The following ZBTB16 variants were observed in gnomAD, a reference collection of about 807,000 sequenced individuals.
ZBTB16 encodes zinc finger and BTB domain-containing protein 16.
In ZBTB16, 8 loss-of-function variants were observed where a neutral mutation model predicts 56.8. That is an observed-to-expected ratio of 0.14 (90% confidence interval 0.08 to 0.25). ZBTB16 has a LOEUF of 0.25. Ranked by LOEUF, ZBTB16 falls within the 10% of genes least tolerant of loss-of-function variation. ZBTB16 has a pLI of 1.00. For missense variants in ZBTB16, 625 were observed against 903.0 expected (o/e 0.69, Z 3.95); for synonymous variants, 363 against 368.5 (o/e 0.98, Z 0.17).
In ZBTB16 at chr11:114,060,074, G is replaced by A. The variant is rs1400537214; in HGVS notation, c.-91+192G>A. On this transcript the variant is annotated intron_variant, in intron 1 of 6. Transcript: ENST00000335953. The surrounding 1 kb of genome is among the most constrained non-coding windows in gnomAD (Gnocchi z 6.0). Reference sequence around the variant, plus strand: ...GCCACCGGTTGGGGGTCGGCTAGAAGGGGGAGCCCCGGCTGTCAGCCTGGG... The same window carrying A: ...GCCACCGGTTGGGGGTCGGCTAGAAAGGGGAGCCCCGGCTGTCAGCCTGGG... 6.6e-6 allele frequency among the ~76,000 whole-genome samples: 1 copy of A among 152,180 alleles called. No homozygotes were observed. Among genetic ancestry groups the A allele is most frequent in the Non-Finnish European group, 1.5e-5 (1 of 68,028 alleles).
chr11:114,130,562 TG>T (rs1301671226), intron 2 of ZBTB16, among the ~76,000 whole-genome samples: 2 of 152,230 alleles, frequency 1.3e-5, no homozygotes, highest in African/African-American at 4.8e-5. Flanking sequence ...GCTTTGTATA[TG>T]GGTTGGCTAT....
At chr11:114,247,159 G>A in intron 5 of ZBTB16, 39 bp from the exon 6 acceptor site, 1 of 1,614,138 alleles carries the variant, frequency 6.2e-7, no homozygotes, top group Non-Finnish European at 8.5e-7. Flanking sequence ...GAGGGGGCAG[G>A]GAGAGGCAAA....
intron 3 of ZBTB16, among the ~76,000 whole-genome samples, chr11:114,184,690 T>C (rs979824009): frequency 3.3e-5 from 5 of 152,218 alleles, no homozygotes; most frequent in Admixed American, 2.6e-4. Context: ...TGCTAGCATG[T>C]ACTATAAATG....
chr11:114,242,351 G>C lies in ZBTB16; in HGVS notation c.1624+14G>C. ...GCTCACATACAGGTAGGTCAGTCCA[G>C]CTGATGGGTGGATCTGGGTCTCTGG... On this transcript the variant is annotated intron_variant, in intron 5 of 6. Transcript: ENST00000335953. The C allele has an allele frequency of 6.2e-7, 1 of 1,612,434 alleles. No individual in the cohort carries two copies. The highest frequency in any genetic ancestry group is 8.5e-7 in the Non-Finnish European group (1 of 1,179,970).
intron 4 of ZBTB16, among the ~76,000 whole-genome samples, chr11:114,193,183 C>T (rs1026100700): frequency 7.2e-5 from 11 of 152,180 alleles, no homozygotes; most frequent in African/African-American, 2.7e-4. Context: ...CCGAGTGCCC[C>T]CTGCTGATGT....
intron 2 of ZBTB16, among the ~76,000 whole-genome samples, chr11:114,065,679 G>C (rs117234005): frequency 0.015 from 2,289 of 152,296 alleles, 48 homozygotes; most frequent in East Asian, 0.052. Context: ...GCCTCCCAAA[G>C]TGCTGGATTA....
intron 2 of ZBTB16, among the ~76,000 whole-genome samples, chr11:114,067,727 G>C (rs1939170685): frequency 6.6e-6 from 1 of 152,120 alleles, no homozygotes; most frequent in East Asian, 1.9e-4. Flanking sequence ...TTTTGACTGA[G>C]GGTGGAAAGT....
chr11:114,228,259 G>T (rs1338637134), intron 4 of ZBTB16, among the ~76,000 whole-genome samples: 1 of 152,222 alleles, frequency 6.6e-6, no homozygotes, highest in Non-Finnish European at 1.5e-5. Context: ...ACATCAGGCT[G>T]TAATTGAATA....
chr11:114,066,232 GA>G (rs1278258396), intron 2 of ZBTB16, among the ~76,000 whole-genome samples: 1 of 152,150 alleles, frequency 6.6e-6, no homozygotes, highest in Non-Finnish European at 1.5e-5. Flanking sequence ...CCCCTAGCCG[GA>G]ATCTGCTCTG....
chr11:114,204,211 T>C (rs1163438655), intron 4 of ZBTB16, among the ~76,000 whole-genome samples: 5 of 151,652 alleles, frequency 3.3e-5, no homozygotes, highest in Non-Finnish European at 7.4e-5. Context: ...TGGAGTGCCA[T>C]GGCACGATCT....
In ZBTB16 at chr11:114,254,935, G is replaced by A. The variant is rs1025423896; in HGVS notation, c.*4380G>A. Among the ~76,000 whole-genome samples the A allele has an allele frequency of 1.3e-5, 2 of 152,306 alleles. No individual in the cohort carries two copies. The highest frequency in any genetic ancestry group is 2.4e-5 in the African/African-American group (1 of 41,556). ...AAGAGGGGTGCAGGCCCTGCAGGCCGGTTAGCCAGCAGCTGCGGCCTCCCC... is the reference window on the plus strand; with the variant it reads ...AAGAGGGGTGCAGGCCCTGCAGGCCAGTTAGCCAGCAGCTGCGGCCTCCCC... On this transcript the variant is annotated 3_prime_UTR_variant, in exon 7 of 7. Transcript: ENST00000335953.
At chr11:114,239,807 A>G (rs1187696309) in intron 4 of ZBTB16, among the ~76,000 whole-genome samples, 1 of 152,182 alleles carries the variant, frequency 6.6e-6, no homozygotes, top group African/African-American at 2.4e-5. Flanking sequence ...TTCCAGGGTA[A>G]GCCCAGACAG....
At chr11:114,174,713 A>T (rs990113814) in intron 3 of ZBTB16, among the ~76,000 whole-genome samples, 1 of 152,252 alleles carries the variant, frequency 6.6e-6, no homozygotes, top group South Asian at 2.1e-4. Context: ...TGTGATAATC[A>T]TTGCACTCTT....
intron 3 of ZBTB16, among the ~76,000 whole-genome samples, chr11:114,158,962 A>G (rs946557224): frequency 2.6e-5 from 4 of 152,300 alleles, no homozygotes; most frequent in African/African-American, 9.6e-5. Flanking sequence ...ACTGGAGGGG[A>G]CAGCCAGGAG....
At chr11:114,208,620 C>G (rs1943935632) in intron 4 of ZBTB16, among the ~76,000 whole-genome samples, 1 of 152,186 alleles carries the variant, frequency 6.6e-6, no homozygotes, top group East Asian at 1.9e-4. Context: ...CCAATGCACC[C>G]CAGTCTGTGC....
At chr11:114,151,661 T>C (rs1407918652) in intron 2 of ZBTB16, among the ~76,000 whole-genome samples, 1 of 152,220 alleles carries the variant, frequency 6.6e-6, no homozygotes, top group Admixed American at 6.5e-5. Context: ...GGAAGACATG[T>C]GACATTGGCA....
At chr11:114,183,769 G>C (rs631135) in intron 3 of ZBTB16, among the ~76,000 whole-genome samples, 96,627 of 152,158 alleles carry the variant, frequency 0.64, 32,281 homozygotes, top group African/African-American at 0.85. Context: ...TCATCCAGCC[G>C]CAGCTTTCCC....
intron 2 of ZBTB16, among the ~76,000 whole-genome samples, chr11:114,138,142 G>C (rs558582273): frequency 2.6e-5 from 4 of 152,304 alleles, no homozygotes; most frequent in African/African-American, 9.6e-5. Flanking sequence ...AGGAGGACCA[G>C]TCATGGGTTT....
intron 4 of ZBTB16, among the ~76,000 whole-genome samples, chr11:114,219,375 G>C (rs941231012): frequency 2.0e-5 from 3 of 152,176 alleles, no homozygotes; most frequent in African/African-American, 7.2e-5. Flanking sequence ...ATGTAAAAAA[G>C]AATTCCCTGA....
Sources: gnomAD v4.1 joint callset for allele counts (sites outside exome capture counted in the v4.1 genomes callset) on GRCh38, gnomAD v4.1.1 for gene constraint, Gnocchi (gnomAD v3.1) non-coding constraint, MANE v1.5 for transcripts, NCBI Gene and HGNC (gene_info 2026-07-23, HGNC 2026-07-21) for gene names.